The following GPR107 variants were observed in gnomAD, a reference collection of about 807,000 sequenced individuals.
GPR107 encodes protein GPR107.
In GPR107, 31 loss-of-function variants were observed where a neutral mutation model predicts 75.5. The observed-to-expected ratio is 0.41, with a 90% CI of 0.31 to 0.55. The LOEUF (loss-of-function observed/expected upper bound fraction) is 0.55. GPR107 is among the 20% of genes least tolerant of loss of function. The pLI is 0.26. For synonymous variants in GPR107, 267 were observed against 251.3 expected, an observed-to-expected ratio of 1.06 and a Z score of -0.59; for missense variants, 572 against 665.7, an observed-to-expected ratio of 0.86 and a Z score of 1.55.
intron 4 of GPR107, 120 bp downstream of exon 4, chr9:130,077,498 T>TG: frequency 1.5e-6 from 1 of 666,116 alleles, no homozygotes; most frequent in South Asian, 1.7e-5. Context: ...GTGCTGGAGA[T>TG]TCAAGACAAG....
At chr9:130,101,067 A>C in intron 11 of GPR107, 39 bp from the exon 12 acceptor site, 11 of 1,131,242 alleles carry the variant, frequency 9.7e-6, no homozygotes, top group Non-Finnish European at 1.5e-5. Flanking sequence ...GAGAGTCTAA[A>C]GAGACCTGCT....
At chr9:130,133,548 A>C (rs781979262) in intron 17 of GPR107, among the ~76,000 whole-genome samples, 1 of 152,180 alleles carries the variant, frequency 6.6e-6, no homozygotes, top group African/African-American at 2.4e-5. Context: ...TACCTCCTGC[A>C]TCCCCGTCTA....
chr9:130,064,024 C>T (rs577832111), intron 1 of GPR107, among the ~76,000 whole-genome samples: 3 of 151,434 alleles, frequency 2.0e-5, no homozygotes, highest in South Asian at 2.1e-4. Context: ...AGACGGGTCT[C>T]GAACTCCTGA....
chr9:130,072,065 C>T (rs1355071346), intron 1 of GPR107, among the ~76,000 whole-genome samples: 1 of 151,424 alleles, frequency 6.6e-6, no homozygotes, highest in African/African-American at 2.4e-5. Context: ...TCTGCCTCCT[C>T]GGTTCAAGCA....
chr9:130,106,616 T>TAAATAA (rs753726911), intron 13 of GPR107, among the ~76,000 whole-genome samples: 113 of 41,994 alleles, frequency 2.7e-3, no homozygotes, highest in Non-Finnish European at 4.4e-3. Flanking sequence ...AATAAATAAA[T>TAAATAA]AAATAATAAT....
At chr9:130,064,590 G>C (rs74516478) in intron 1 of GPR107, among the ~76,000 whole-genome samples, 1,543 of 152,266 alleles carry the variant, frequency 0.01, 27 homozygotes, top group African/African-American at 0.036. Context: ...GACATTTCAG[G>C]GTAAATGAGT....
intron 14 of GPR107, among the ~76,000 whole-genome samples, chr9:130,113,063 C>T (rs981812744): frequency 6.6e-6 from 1 of 152,018 alleles, no homozygotes; most frequent in Non-Finnish European, 1.5e-5. Flanking sequence ...CTGCTTTTAT[C>T]TGGAAGAATG....
At chr9:130,124,481 AC>A (rs923210168) in intron 14 of GPR107, among the ~76,000 whole-genome samples, 1 of 151,260 alleles carries the variant, frequency 6.6e-6, no homozygotes, top group Non-Finnish European at 1.5e-5. Flanking sequence ...CTAGTGGGAG[AC>A]CCCCCCAGGT....
chr9:130,134,680 G>A (rs952140787), intron 17 of GPR107, among the ~76,000 whole-genome samples: 5 of 152,232 alleles, frequency 3.3e-5, no homozygotes, highest in African/African-American at 4.8e-5. Context: ...TCTCATAAGC[G>A]TAACTATCAC....
chr9:130,102,429 C>G (rs1418055412), intron 12 of GPR107, among the ~76,000 whole-genome samples: 1 of 152,214 alleles, frequency 6.6e-6, no homozygotes, highest in Non-Finnish European at 1.5e-5. Context: ...TGGGGCATAG[C>G]CTTCCAGGAA....
At chr9:130,058,100 A>G (rs1238783320) in intron 1 of GPR107, among the ~76,000 whole-genome samples, 4 of 152,180 alleles carry the variant, frequency 2.6e-5, no homozygotes, top group Non-Finnish European at 4.4e-5. Flanking sequence ...AAGTGCTGGG[A>G]TTACAGGCGT....
intron 17 of GPR107, among the ~76,000 whole-genome samples, chr9:130,132,437 C>T (rs1554899236): frequency 6.6e-6 from 1 of 152,190 alleles, no homozygotes; most frequent in Admixed American, 6.5e-5. Flanking sequence ...GTCCTGTGTC[C>T]ACCCTGGTTC....
At position 130,092,270 on chromosome 9, in the gene GPR107, C is replaced by T; in HGVS notation, c.752C>T (p.Pro251Leu). 5.0e-6 allele frequency: 8 copies of T among 1,610,336 alleles called. No individual in the cohort carries two copies. Among genetic ancestry groups the T allele is most frequent in the Non-Finnish European group, 6.8e-6 (8 of 1,176,522 alleles). ...CAGATTGAGATCACAGAGAAGAATC[C>T]TGACAGCTACCTCTCAGCAGGAGAA... ...SLDIEITEKN[P>L]DSYLSAGEIP... Residue 251 changes from proline to leucine, a missense_variant, in exon 9 of 18, where the codon CCT becomes CTT. Physicochemically the swap from Pro to Leu is moderately conservative, Grantham distance 98. Transcript: ENST00000347136.
intron 9 of GPR107, among the ~76,000 whole-genome samples, chr9:130,096,028 G>T (rs1465730454): frequency 3.7e-5 from 4 of 108,584 alleles, no homozygotes; most frequent in African/African-American, 1.3e-4. Context: ...TTGCTAGTAT[G>T]TATCAGGCCC....
At chr9:130,062,185 C>T (rs1009110376) in intron 1 of GPR107, among the ~76,000 whole-genome samples, 3 of 151,882 alleles carry the variant, frequency 2.0e-5, no homozygotes, top group South Asian at 2.1e-4. Context: ...GAGGCCAAGG[C>T]GGGTAGATCA....
chr9:130,126,755 C>T (rs1246694952), intron 15 of GPR107, among the ~76,000 whole-genome samples: 1 of 152,188 alleles, frequency 6.6e-6, no homozygotes, highest in Admixed American at 6.5e-5. Flanking sequence ...CAAGAGCAGA[C>T]ACTCCACTTG....
At chr9:130,084,965 C>G (rs1272275909) in intron 6 of GPR107, among the ~76,000 whole-genome samples, 1 of 151,978 alleles carries the variant, frequency 6.6e-6, no homozygotes, top group Non-Finnish European at 1.5e-5. Flanking sequence ...GAATGCCATA[C>G]GCAAAGACTG....
At chr9:130,114,029 CTTTTTTTTTTT>C in intron 14 of GPR107, among the ~76,000 whole-genome samples, 1 of 90,674 alleles carries the variant, frequency 1.1e-5, no homozygotes, top group Admixed American at 1.4e-4. Context: ...TCTTCTCATT[CTTTTTTTTTTT>C]TTTTTTTTTC....
At chr9:130,069,582 C>T (rs1178090666) in intron 1 of GPR107, among the ~76,000 whole-genome samples, 1 of 152,176 alleles carries the variant, frequency 6.6e-6, no homozygotes, top group African/African-American at 2.4e-5. Context: ...AAGTCACTTC[C>T]ATACATATCT....
Sources: gnomAD v4.1 joint callset for allele counts (sites outside exome capture counted in the v4.1 genomes callset) on GRCh38, gnomAD v4.1.1 for gene constraint, MANE v1.5 for transcripts, NCBI Gene and HGNC (gene_info 2026-07-23, HGNC 2026-07-21) for gene names.